The following PPP2R3A variants were observed in gnomAD, a reference collection of about 807,000 sequenced individuals.
PPP2R3A encodes the protein protein phosphatase 2 regulatory subunit B''alpha.
PPP2R3A carries 80 observed loss-of-function variants against 106.9 expected under a neutral mutation model. The observed-to-expected ratio is 0.75, with a 90% CI of 0.62 to 0.90. The LOEUF is 0.90. Ranked by LOEUF, PPP2R3A falls within the 40% of genes least tolerant of loss-of-function variation. The probability of loss-of-function intolerance (pLI) is 0.00; values close to 1 mark genes in which losing one functional copy is unlikely to be tolerated. For synonymous variants in PPP2R3A, 483 were observed against 468.3 expected (o/e 1.03, Z -0.41); for missense variants, 1,386 against 1,350.4 (o/e 1.03, Z -0.41).
rs1181409711 is a variant in PPP2R3A at position 136,002,240 on chromosome 3, G to A, written c.742G>A (p.Asp248Asn). 6.2e-7 allele frequency: 1 copy of A among 1,613,648 alleles called. No individual in the cohort carries two copies. The change falls in exon 2 of 14, where the codon GAC becomes AAC. Residue 248 changes from aspartate (D) to asparagine (N), a missense_variant. Physicochemically the swap from Asp to Asn is conservative, Grantham distance 23. Transcript: ENST00000264977. Reference sequence around the variant, plus strand: ...CTCCGAGGATTTAAAAAAATGCACAGACATCATAAAACAATGCATAAAGAA... The same window carrying A: ...CTCCGAGGATTTAAAAAAATGCACAAACATCATAAAACAATGCATAAAGAA... ...KCSEDLKKCT[D>N]IIKQCIKKKS...
At chr3:136,004,405 C>T (rs1390755081) in intron 2 of PPP2R3A, among the ~76,000 whole-genome samples, 2 of 152,148 alleles carry the variant, frequency 1.3e-5, no homozygotes, top group African/African-American at 4.8e-5. Context: ...GGATATGTGG[C>T]TTTTGAGTTC....
intron 3 of PPP2R3A, among the ~76,000 whole-genome samples, chr3:136,039,030 GC>G (rs1935171864): frequency 6.6e-6 from 1 of 152,080 alleles, no homozygotes; most frequent in Non-Finnish European, 1.5e-5. Context: ...ACCTCCCTTG[GC>G]TTGAATCTTG....
chr3:136,032,481 G>A (rs761932401), intron 3 of PPP2R3A, among the ~76,000 whole-genome samples: 8 of 151,300 alleles, frequency 5.3e-5, no homozygotes, highest in African/African-American at 1.5e-4. Context: ...AGCAAACAGC[G>A]AGAATTTGAC....
At chr3:136,075,098 A>G (rs1225738487) in intron 6 of PPP2R3A, among the ~76,000 whole-genome samples, 1 of 152,210 alleles carries the variant, frequency 6.6e-6, no homozygotes, top group Non-Finnish European at 1.5e-5. Flanking sequence ...AAACTATATG[A>G]CAGAGCCATC....
At chr3:135,993,536 C>G (rs892010174) in intron 1 of PPP2R3A, among the ~76,000 whole-genome samples, 1 of 152,172 alleles carries the variant, frequency 6.6e-6, no homozygotes, top group Non-Finnish European at 1.5e-5. Context: ...AATTCCATTG[C>G]TAATTACCCA....
At chr3:136,054,326 T>G (rs1282819012) in intron 5 of PPP2R3A, among the ~76,000 whole-genome samples, 1 of 150,864 alleles carries the variant, frequency 6.6e-6, no homozygotes, top group East Asian at 2.0e-4. Context: ...TGGCACGATC[T>G]TGGCTCACTG....
chr3:136,006,351 T>C (rs1269394723), intron 2 of PPP2R3A, among the ~76,000 whole-genome samples: 2 of 152,250 alleles, frequency 1.3e-5, no homozygotes, highest in Non-Finnish European at 2.9e-5. Context: ...AAACCATTCT[T>C]CCTTGACTCA....
At chr3:136,143,106 T>C (rs1167682939) in intron 13 of PPP2R3A, among the ~76,000 whole-genome samples, 1 of 152,270 alleles carries the variant, frequency 6.6e-6, no homozygotes, top group African/African-American at 2.4e-5. Context: ...ATTATAACTT[T>C]TGACAGTATC....
intron 3 of PPP2R3A, among the ~76,000 whole-genome samples, chr3:136,035,454 C>T (rs1000570887): frequency 2.0e-5 from 3 of 152,048 alleles, no homozygotes; most frequent in Admixed American, 6.5e-5. Context: ...ATTTGTTTTT[C>T]GGAAAAAGAC....
rs1397429082 is a variant in PPP2R3A at position 136,145,814 on chromosome 3, CCTGA to C, written c.*652_*655del. ...TTTGCTGGCAAGCTCTGGTAACCTC[CCTGA>C]CTGTGGATCTTATATAAAATCTCAA... On this transcript the variant is annotated 3_prime_UTR_variant, in exon 14 of 14. Transcript: ENST00000264977. 4 of 152,508 alleles carry C rather than the reference CCTGA, an allele frequency of 2.6e-5. No individual in the cohort carries two copies. Among genetic ancestry groups the C allele is most frequent in the East Asian group, 1.9e-4 (1 of 5,192 alleles). 9.4% of individuals were successfully genotyped at this position (152,508 alleles called of 1,614,324 possible). A position where few individuals can be genotyped will look rare whatever the true frequency, so the allele number is the denominator to read the frequency against.
At chr3:136,089,632 A>G (rs1306485248) in intron 9 of PPP2R3A, among the ~76,000 whole-genome samples, 1 of 150,462 alleles carries the variant, frequency 6.6e-6, no homozygotes, top group Non-Finnish European at 1.5e-5. Flanking sequence ...AAAAAAAACT[A>G]GTCTGTGAAA....
intron 4 of PPP2R3A, among the ~76,000 whole-genome samples, chr3:136,044,322 A>T (rs1935397072): frequency 6.6e-6 from 1 of 152,190 alleles, no homozygotes; most frequent in Non-Finnish European, 1.5e-5. Flanking sequence ...CACTTGTTGA[A>T]TGCTAACTAT....
chr3:136,128,776 C>A (rs1337563595), intron 13 of PPP2R3A, among the ~76,000 whole-genome samples: 1 of 152,120 alleles, frequency 6.6e-6, no homozygotes, highest in African/African-American at 2.4e-5. Context: ...AAGTAAAGCA[C>A]TCCTCAGCAA....
At chr3:135,989,105 T>C (rs115621109) in intron 1 of PPP2R3A, among the ~76,000 whole-genome samples, 4,866 of 152,266 alleles carry the variant, frequency 0.032, 267 homozygotes, top group African/African-American at 0.11. Context: ...ATAAAACGTT[T>C]TTTGGAGATC....
chr3:136,126,827 A>G (rs936893562), intron 13 of PPP2R3A, among the ~76,000 whole-genome samples: 6 of 152,214 alleles, frequency 3.9e-5, no homozygotes, highest in Non-Finnish European at 8.8e-5. Context: ...CCAATCTGTA[A>G]TATTTGCTGT....
chr3:136,096,510 ATC>A (rs1415239803), intron 10 of PPP2R3A, among the ~76,000 whole-genome samples: 1 of 152,098 alleles, frequency 6.6e-6, no homozygotes, highest in Non-Finnish European at 1.5e-5. Context: ...ATGTCCTTTA[ATC>A]TCTCTGTCCT....
At chr3:136,043,679 A>G (rs1230349114) in intron 4 of PPP2R3A, among the ~76,000 whole-genome samples, 1 of 152,216 alleles carries the variant, frequency 6.6e-6, no homozygotes, top group Non-Finnish European at 1.5e-5. Flanking sequence ...CTAGAGTATC[A>G]GCTTTTGGGC....
rs1387535999 is a variant in PPP2R3A at position 136,001,541 on chromosome 3, T to C, written c.43T>C (p.Tyr15His). Residue 15 changes from tyrosine (Y) to histidine (H), a missense_variant, in exon 2 of 14, where the codon TAC (tyrosine) becomes CAC (histidine). Physicochemically the swap from Tyr to His is moderately conservative, Grantham distance 83 (BLOSUM62 2). Coordinates refer to ENST00000264977, the MANE Select transcript of PPP2R3A (RefSeq NM_002718.5). ...YRLVVSTVNH[Y>H]SSVVIDRRFE... ...ACTTGTGGTTAGTACTGTGAACCAC[T>C]ACAGCAGCGTGGTGATAGACCGGCG... 6.2e-7 allele frequency: 1 copy of C among 1,614,198 alleles called. No individual in the cohort carries two copies. The highest frequency in any genetic ancestry group is 1.7e-5 in the Admixed American group (1 of 60,024).
intron 2 of PPP2R3A, among the ~76,000 whole-genome samples, chr3:136,015,714 G>A (rs554737505): frequency 2.0e-5 from 3 of 151,372 alleles, no homozygotes; most frequent in Admixed American, 1.3e-4. Flanking sequence ...TTCTTTTCTC[G>A]GTTAATCTCT....
Sources: gnomAD v4.1 joint callset for allele counts (sites outside exome capture counted in the v4.1 genomes callset) on GRCh38, gnomAD v4.1.1 for gene constraint, MANE v1.5 for transcripts, NCBI Gene and HGNC (gene_info 2026-07-23, HGNC 2026-07-21) for gene names.